ADAMTSL1: variants seen among roughly 807,000 people sequenced by gnomAD.
ADAMTSL1 encodes ADAMTS like 1.
A neutral mutation model predicts 201.8 loss-of-function variants in ADAMTSL1; 126 were observed. That is an observed-to-expected ratio of 0.62 (90% CI 0.54 to 0.72). The LOEUF (loss-of-function observed/expected upper bound fraction) is 0.72, where lower values mean the gene tolerates loss of function less well. Ranked by LOEUF, ADAMTSL1 falls within the 30% of genes least tolerant of loss-of-function variation. ADAMTSL1 has a pLI of 0.00. For missense variants in ADAMTSL1, 2,679 were observed against 2,277.8 expected (o/e 1.18, Z -3.59); for synonymous variants, 1,121 against 903.4 (o/e 1.24, Z -4.32).
At chr9:18,376,436 A>G (rs1473386107) in intron 2 of ADAMTSL1, among the ~76,000 whole-genome samples, 1 of 152,162 alleles carries the variant, frequency 6.6e-6, no homozygotes, top group East Asian at 1.9e-4. Flanking sequence ...GAATAACTTG[A>G]GAGATACTGA....
chr9:18,552,070 C>G (rs1036899429), intron 3 of ADAMTSL1, among the ~76,000 whole-genome samples: 2 of 151,792 alleles, frequency 1.3e-5, no homozygotes, highest in African/African-American at 4.8e-5. Flanking sequence ...CAGCCTTTGG[C>G]TTTGTTGAGC....
intron 1 of ADAMTSL1, among the ~76,000 whole-genome samples, chr9:17,938,209 A>T (rs1827092276): frequency 6.6e-6 from 1 of 152,142 alleles, no homozygotes; most frequent in South Asian, 2.1e-4. Context: ...TGAGCATTTA[A>T]ACTATTCCAT....
At chr9:18,148,444 C>A (rs1247163119) in intron 1 of ADAMTSL1, among the ~76,000 whole-genome samples, 19 of 151,506 alleles carry the variant, frequency 1.3e-4, no homozygotes, top group Admixed American at 1.3e-3. Flanking sequence ...AAAGTCAAGT[C>A]AAATGGGAAT....
At chr9:18,546,299 C>T (rs531708605) in intron 3 of ADAMTSL1, among the ~76,000 whole-genome samples, 1 of 152,056 alleles carries the variant, frequency 6.6e-6, no homozygotes, top group East Asian at 1.9e-4. Flanking sequence ...GCTAAAGAGG[C>T]ATTATTATTT....
intron 1 of ADAMTSL1, among the ~76,000 whole-genome samples, chr9:18,041,887 T>A (rs893322945): frequency 1.3e-5 from 2 of 152,140 alleles, no homozygotes; most frequent in African/African-American, 4.8e-5. Flanking sequence ...ATACATCTGA[T>A]TTTAGAAATG....
At chr9:18,020,771 G>A (rs566272189) in intron 1 of ADAMTSL1, among the ~76,000 whole-genome samples, 72 of 152,208 alleles carry the variant, frequency 4.7e-4, no homozygotes, top group African/African-American at 1.7e-3. Flanking sequence ...CTCTTGAAAT[G>A]TCTGTCTACC....
At chr9:17,977,125 T>G (rs140225923) in intron 1 of ADAMTSL1, among the ~76,000 whole-genome samples, 1 of 152,268 alleles carries the variant, frequency 6.6e-6, no homozygotes, top group Non-Finnish European at 1.5e-5. Context: ...GTGTATCACA[T>G]TTATTGGTTT....
At chr9:18,626,866 T>TA (rs1491194903) in intron 5 of ADAMTSL1, among the ~76,000 whole-genome samples, 4 of 129,052 alleles carry the variant, frequency 3.1e-5, no homozygotes, top group Admixed American at 7.6e-5. Flanking sequence ...TTTCTTTCTT[T>TA]CTGTCTTTCT....
intron 1 of ADAMTSL1, among the ~76,000 whole-genome samples, chr9:18,155,383 A>T (rs556687448): frequency 2.0e-5 from 3 of 152,006 alleles, no homozygotes; most frequent in African/African-American, 7.2e-5. Flanking sequence ...AGTCTGGGTG[A>T]TGATGATGGA....
chr9:17,927,801 C>T (rs1389640368), intron 1 of ADAMTSL1, among the ~76,000 whole-genome samples: 1 of 151,050 alleles, frequency 6.6e-6, no homozygotes, highest in East Asian at 1.9e-4. Context: ...TTTTTGTGTT[C>T]CTGGGGTGTC....
Position 18,906,683 on chromosome 9 carries a change from C to T in ADAMTSL1, c.4962-9C>T, listed in dbSNP as rs971458611. ...AGCAAACCTTAACCCTGCCACCATC[C>T]TCCTGCAGGCCTGTGAGCACCCAGA... On this transcript the variant is annotated splice_polypyrimidine_tract_variant and intron_variant, in intron 27 of 28. Transcript: ENST00000380548. 1 of 1,565,694 alleles carries T rather than the reference C, an allele frequency of 6.4e-7. No homozygotes were observed. The highest frequency in any genetic ancestry group is 2.3e-5 in the East Asian group (1 of 42,998).
intron 2 of ADAMTSL1, among the ~76,000 whole-genome samples, chr9:18,226,293 A>G (rs1467102069): frequency 1.3e-5 from 2 of 152,044 alleles, no homozygotes; most frequent in Non-Finnish European, 2.9e-5. Flanking sequence ...TCTCTCTCAG[A>G]TCCTCTCTTC....
intron 2 of ADAMTSL1, among the ~76,000 whole-genome samples, chr9:18,287,583 G>A (rs1346444679): frequency 7.1e-6 from 1 of 140,626 alleles, no homozygotes; most frequent in Non-Finnish European, 1.5e-5. Flanking sequence ...GTAAATATAT[G>A]TGTATATATA....
At chr9:18,179,704 G>C (rs1019431798) in intron 2 of ADAMTSL1, among the ~76,000 whole-genome samples, 3 of 152,120 alleles carry the variant, frequency 2.0e-5, no homozygotes, top group Non-Finnish European at 2.9e-5. Context: ...AGCCAGAAGA[G>C]AGTGGGGACC....
At chr9:18,538,138 C>A (rs541946112) in intron 3 of ADAMTSL1, among the ~76,000 whole-genome samples, 8 of 152,106 alleles carry the variant, frequency 5.3e-5, no homozygotes, top group Admixed American at 3.3e-4. Flanking sequence ...GGGGAAGAAG[C>A]AGAAATTCCA....
intron 7 of ADAMTSL1, among the ~76,000 whole-genome samples, chr9:18,655,819 A>AAAAAAAAAAAAAAAAAT (rs1828614778): frequency 4.0e-5 from 4 of 101,134 alleles, no homozygotes; most frequent in Non-Finnish European, 9.9e-5. Context: ...AAAAAAAAAA[A>AAAAAAAAAAAAAAAAAT]AAAAAAAAAA....
At chr9:18,888,316 C>T (rs1481092381) in intron 24 of ADAMTSL1, among the ~76,000 whole-genome samples, 1 of 152,172 alleles carries the variant, frequency 6.6e-6, no homozygotes, top group African/African-American at 2.4e-5. Context: ...TTGCTCAGGA[C>T]CATGGAAACA....
chr9:18,307,274 G>A (rs1412453160), intron 2 of ADAMTSL1, among the ~76,000 whole-genome samples: 1 of 152,144 alleles, frequency 6.6e-6, no homozygotes, highest in Non-Finnish European at 1.5e-5. Context: ...ATAGTATGAA[G>A]AAACTGCATC....
At chr9:18,412,333 G>A (rs1429011855) in intron 2 of ADAMTSL1, among the ~76,000 whole-genome samples, 3 of 152,176 alleles carry the variant, frequency 2.0e-5, no homozygotes, top group Admixed American at 1.3e-4. Context: ...GGTGGGATCA[G>A]CCATTGTAAA....
Sources: gnomAD v4.1 joint callset for allele counts (sites outside exome capture counted in the v4.1 genomes callset) on GRCh38, gnomAD v4.1.1 for gene constraint, MANE v1.5 for transcripts, NCBI Gene and HGNC (gene_info 2026-07-23, HGNC 2026-07-21) for gene names.